GLTP: variants seen among roughly 807,000 people sequenced by gnomAD.
The protein encoded by GLTP is glycolipid transfer protein.
A neutral mutation model predicts 24.0 loss-of-function variants in GLTP; 22 were observed. The observed-to-expected ratio is 0.92, with a 90% CI of 0.65 to 1.31. GLTP has a LOEUF of 1.31. Among genes scored for constraint, GLTP ranks in the 50% most tolerant of loss-of-function variants. The pLI is 0.00. For synonymous variants in GLTP, 92 were observed against 115.9 expected (o/e 0.79, Z 1.33); for missense variants, 224 against 276.6 (o/e 0.81, Z 1.35).
intron 1 of GLTP, among the ~76,000 whole-genome samples, chr12:109,862,010 G>A (rs73417544): frequency 0.055 from 8,446 of 152,232 alleles, 358 homozygotes; most frequent in East Asian, 0.11. Flanking sequence ...TTGACCTGCT[G>A]CAAGCTCCGG....
At chr12:109,865,365 G>A (rs1471529744) in intron 1 of GLTP, among the ~76,000 whole-genome samples, 2 of 151,888 alleles carry the variant, frequency 1.3e-5, no homozygotes, top group Non-Finnish European at 2.9e-5. Flanking sequence ...GGTGGCTCAC[G>A]CCTGTAATCC....
chr12:109,864,081 G>T (rs1451511720), intron 1 of GLTP, among the ~76,000 whole-genome samples: 1 of 152,200 alleles, frequency 6.6e-6, no homozygotes, highest in African/African-American at 2.4e-5. Flanking sequence ...AGCTGTTATT[G>T]TGTGTGGGGC....
At chr12:109,856,691 G>A (rs983575761) in intron 3 of GLTP, among the ~76,000 whole-genome samples, 4 of 152,160 alleles carry the variant, frequency 2.6e-5, no homozygotes, top group Non-Finnish European at 4.4e-5. Flanking sequence ...TGGGTTTAAG[G>A]GCTGAAGAGT....
chr12:109,880,160 G>A lies in GLTP; in HGVS notation c.103+112C>T. The A allele has an allele frequency of 1.6e-6, 1 of 620,966 alleles. No individual in the cohort carries two copies. Among genetic ancestry groups the A allele is most frequent in the South Asian group, 1.7e-5 (1 of 59,354 alleles). The allele number at this position is 620,966 out of a possible 1,614,324, so 38.5% of individuals were successfully genotyped here. A position where few individuals can be genotyped will look rare whatever the true frequency, so the allele number is the denominator to read the frequency against. ...GGAAAGAGGATCTTGGGTGCCTGGGGAAACAGTACTTAGGGGTGTCTAGGG... is the reference window on the plus strand; with the variant it reads ...GGAAAGAGGATCTTGGGTGCCTGGGAAAACAGTACTTAGGGGTGTCTAGGG... On this transcript the variant is annotated intron_variant, in intron 1 of 4. Coordinates refer to ENST00000318348, the MANE Select transcript of GLTP (RefSeq NM_016433.4). This position sits in a 1 kb window ranked among gnomAD's most constrained non-coding sequence, Gnocchi z 5.1.
rs1055794 is a variant in GLTP at position 109,852,268 on chromosome 12, G to A, written c.*287C>T. On this transcript the variant is annotated 3_prime_UTR_variant, in exon 5 of 5. Coordinates refer to ENST00000318348, the MANE Select transcript of GLTP (RefSeq NM_016433.4). ...CTTGACTCATTAGAAGTGTTAATCG[G>A]TTTTTACCACGCTGAAATGAAGGTA... 0.62 allele frequency: 176,175 copies of A among 283,140 alleles called. 58,158 individuals are homozygous for A. Among genetic ancestry groups the A allele is most frequent in the African/African-American group, 0.88 (40,078 of 45,348 alleles). The allele number at this position is 283,140 out of a possible 1,614,324, so 17.5% of individuals were successfully genotyped here.
At chr12:109,853,867 C>A (rs111377156) in intron 4 of GLTP, among the ~76,000 whole-genome samples, 4,980 of 150,876 alleles carry the variant, frequency 0.033, 265 homozygotes, top group African/African-American at 0.11. Context: ...CTCAACCTCC[C>A]GAGTAGCTGG....
chr12:109,873,571 T>C (rs762411510), intron 1 of GLTP, among the ~76,000 whole-genome samples: 1 of 148,634 alleles, frequency 6.7e-6, no homozygotes, highest in Non-Finnish European at 1.5e-5. Flanking sequence ...GACGCAGAGG[T>C]TGCAGTGAGC....
intron 1 of GLTP, among the ~76,000 whole-genome samples, chr12:109,872,961 T>C (rs1868769896): frequency 6.6e-6 from 1 of 152,206 alleles, no homozygotes; most frequent in African/African-American, 2.4e-5. Context: ...CAGGACCGCT[T>C]TGAATGTGGC....
chr12:109,853,398 A>G (rs1892753320), intron 4 of GLTP, among the ~76,000 whole-genome samples: 1 of 152,084 alleles, frequency 6.6e-6, no homozygotes, highest in Admixed American at 6.6e-5. Context: ...ACTAGATAAA[A>G]AGCTTAGGCT....
intron 1 of GLTP, among the ~76,000 whole-genome samples, chr12:109,865,329 A>G (rs1002305837): frequency 5.3e-5 from 8 of 152,018 alleles, no homozygotes; most frequent in African/African-American, 1.4e-4. Flanking sequence ...CTTATTTTTT[A>G]ATAGAGACAG....
intron 1 of GLTP, among the ~76,000 whole-genome samples, chr12:109,868,902 C>T (rs1246061091): frequency 6.6e-5 from 10 of 152,062 alleles, no homozygotes; most frequent in Non-Finnish European, 8.8e-5. Flanking sequence ...TTTAAGGATA[C>T]GAGCCTTGAG....
intron 1 of GLTP, among the ~76,000 whole-genome samples, chr12:109,871,667 G>A (rs531508200): frequency 6.6e-6 from 1 of 152,176 alleles, no homozygotes; most frequent in Non-Finnish European, 1.5e-5. Flanking sequence ...TTCCTCCTAA[G>A]TTCATCATGA....
In GLTP at chr12:109,857,560, C is replaced by T; in HGVS notation, c.262G>A (p.Val88Ile). 7 of 1,613,868 alleles carry T rather than the reference C, an allele frequency of 4.3e-6. No individual in the cohort carries two copies. Among genetic ancestry groups the T allele is most frequent in the Non-Finnish European group, 5.1e-6 (6 of 1,179,920 alleles). ...KEMYGAEWPK[V>I]GATLALMWLK... is the part of the protein sequence containing the mutation. ...CACATCAGCGCCAGTGTGGCCCCTA[C>T]TTTGGGCCACTCTGCTCCATACATT... is the stretch of plus-strand genomic sequence containing the variant. Residue 88 changes from valine to isoleucine, a missense_variant, in exon 3 of 5, where the codon GTA (valine) becomes ATA (isoleucine). Coordinates refer to ENST00000318348, the MANE Select transcript of GLTP (RefSeq NM_016433.4). The surrounding 1 kb of genome is among the most constrained non-coding windows in gnomAD (Gnocchi z 4.3).
Position 109,852,469 on chromosome 12 carries a change from G to C in GLTP, c.*86C>G, listed in dbSNP as rs1319807404. ...CTCTGGGGGACACAGGCCAGGGGCA[G>C]TTCACCGACTTGATTCACAGTGATT... On this transcript the variant is annotated 3_prime_UTR_variant, in exon 5 of 5. Transcript: ENST00000318348. 3 of 885,512 alleles carry C rather than the reference G, an allele frequency of 3.4e-6. No homozygotes were observed. Among genetic ancestry groups the C allele is most frequent in the Non-Finnish European group, 5.6e-6 (3 of 537,670 alleles). 54.9% of individuals were successfully genotyped at this position (885,512 alleles called of 1,614,324 possible). A position where few individuals can be genotyped will look rare whatever the true frequency, so the allele number is the denominator to read the frequency against.
At chr12:109,864,855 ATTTTATT>A (rs1002144603) in intron 1 of GLTP, among the ~76,000 whole-genome samples, 1 of 151,964 alleles carries the variant, frequency 6.6e-6, no homozygotes, top group African/African-American at 2.4e-5. Flanking sequence ...ATTTTATTTT[ATTTTATT>A]TTTTGAGGCA....
At chr12:109,873,282 G>A (rs1488532401) in intron 1 of GLTP, among the ~76,000 whole-genome samples, 1 of 152,128 alleles carries the variant, frequency 6.6e-6, no homozygotes, top group African/African-American at 2.4e-5. Flanking sequence ...CTAACTCACA[G>A]ATCAAGGGGT....
chr12:109,876,606 AAGG>A (rs1424971669), intron 1 of GLTP, among the ~76,000 whole-genome samples: 3 of 141,932 alleles, frequency 2.1e-5, no homozygotes, highest in Non-Finnish European at 4.6e-5. Flanking sequence ...GGAAGGGAAG[AAGG>A]GAGGAAGGGA....
At chr12:109,858,862 G>A (rs1479452547) in intron 1 of GLTP, 121 bp from the exon 2 acceptor site, 1 of 718,932 alleles carries the variant, frequency 1.4e-6, no homozygotes, top group Non-Finnish European at 2.5e-6. Context: ...GAGCTGAGTT[G>A]TTCTGGATGT....
At chr12:109,874,340 A>G (rs971525123) in intron 1 of GLTP, among the ~76,000 whole-genome samples, 13 of 152,036 alleles carry the variant, frequency 8.6e-5, no homozygotes, top group Admixed American at 2.6e-4. Flanking sequence ...CCTCCCCCAA[A>G]ATGGAACAAG....
Sources: allele counts gnomAD v4.1 joint callset (sites outside exome capture counted in the v4.1 genomes callset), GRCh38; gene constraint gnomAD v4.1.1; non-coding constraint Gnocchi (gnomAD v3.1); transcripts MANE v1.5; gene names NCBI Gene and HGNC (gene_info 2026-07-23, HGNC 2026-07-21).